Variants in GALNT2 observed in about 807,000 individuals in gnomAD.
GALNT2 encodes polypeptide N-acetylgalactosaminyltransferase 2.
A neutral mutation model predicts 81.4 loss-of-function variants in GALNT2; 31 were observed. The observed-to-expected ratio is 0.38, with a 90% CI of 0.29 to 0.51. The LOEUF is 0.51. Ranked by LOEUF, GALNT2 falls within the 20% of genes least tolerant of loss-of-function variation. The pLI is 0.87. For missense variants in GALNT2, 629 were observed against 765.7 expected (o/e 0.82, Z 2.11); for synonymous variants, 303 against 287.4 (o/e 1.05, Z -0.55).
chr1:230,219,633 A>G (rs1262294627), intron 3 of GALNT2, among the ~76,000 whole-genome samples: 1 of 152,056 alleles, frequency 6.6e-6, no homozygotes, highest in Non-Finnish European at 1.5e-5. Context: ...CCCTGCATAG[A>G]TGGCCTGCAG....
intron 1 of GALNT2, among the ~76,000 whole-genome samples, chr1:230,075,249 C>T (rs983417074): frequency 1.3e-5 from 2 of 151,392 alleles, no homozygotes; most frequent in East Asian, 3.9e-4. Context: ...CCTCAGCCTC[C>T]TGAGTGGCTA....
chr1:230,241,790 A>G (rs950009248), intron 6 of GALNT2, among the ~76,000 whole-genome samples: 11 of 152,160 alleles, frequency 7.2e-5, no homozygotes, highest in East Asian at 1.9e-4. Context: ...TACATAGTCT[A>G]TATTCCTATG....
At chr1:230,269,256 G>A (rs1666111372) in intron 14 of GALNT2, among the ~76,000 whole-genome samples, 1 of 148,276 alleles carries the variant, frequency 6.7e-6, no homozygotes, top group South Asian at 2.1e-4. Flanking sequence ...TGCAATCTCG[G>A]CTCACTGCCA....
chr1:230,179,954 C>G (rs953127353), intron 2 of GALNT2, among the ~76,000 whole-genome samples: 1 of 152,214 alleles, frequency 6.6e-6, no homozygotes, highest in African/African-American at 2.4e-5. Flanking sequence ...GAGTCTCACT[C>G]TGTTGCCCAA....
chr1:230,204,574 T>C (rs923831804), intron 3 of GALNT2, among the ~76,000 whole-genome samples: 2 of 152,204 alleles, frequency 1.3e-5, no homozygotes, highest in Non-Finnish European at 2.9e-5. Context: ...TCACCACTTA[T>C]CAGGAAAGTG....
rs1024002681 is a variant in GALNT2, at chr1:230,132,162, A to G, written c.127-46056A>G. Among the ~76,000 whole-genome samples, 7 of 152,248 alleles carry G rather than the reference A, an allele frequency of 4.6e-5. No individual in the cohort carries two copies. The East Asian group carries it at 1.3e-3, about 29-fold the overall frequency. On this transcript the variant is annotated intron_variant, in intron 1 of 15. Transcript: ENST00000366672. ...TGTTATTTCTACATTCATCCCTTCA[A>G]TCAGTCTCGTAATGACGGTCTCAAG...
In GALNT2 at chr1:230,274,451, G is replaced by A. The variant is rs140514370; in HGVS notation, c.1447G>A (p.Ala483Thr). ...TTCTGGTTTTGTGTTCCAGGAATGG[G>A]CCTTGACGAAGGAGAAGTCGGTGAA... ...CHNAGGNQEWALTKEKSVKHM... is the reference protein window; with the variant it reads ...CHNAGGNQEWTLTKEKSVKHM... Residue 483 changes from alanine (A) to threonine (T), a missense_variant, in exon 15 of 16, where the codon GCC becomes ACC. Ala to Thr is a moderately conservative substitution (Grantham distance 58). Around this residue, in one of 3 missense-constraint regions of GALNT2, gnomAD observed 207 missense variants for 225.5 expected, o/e 0.92. Coordinates refer to ENST00000366672, the MANE Select transcript of GALNT2 (RefSeq NM_004481.5). 3.1e-6 allele frequency: 5 copies of A among 1,613,308 alleles called. No homozygotes were observed. Among genetic ancestry groups the A allele is most frequent in the Middle Eastern group, 1.6e-4 (1 of 6,082 alleles).
chr1:230,095,564 G>T (rs1660230006), intron 1 of GALNT2, among the ~76,000 whole-genome samples: 1 of 127,312 alleles, frequency 7.9e-6, no homozygotes, highest in South Asian at 2.9e-4. Context: ...TTCCGAAGTG[G>T]AACGTCTTTC....
chr1:230,170,448 G>A (rs1227248592), intron 1 of GALNT2, among the ~76,000 whole-genome samples: 1 of 152,138 alleles, frequency 6.6e-6, no homozygotes, highest in African/African-American at 2.4e-5. Flanking sequence ...TTTTTATTAA[G>A]AAGCAAAAAC....
chr1:230,100,310 CTTTTTTTTTTTTT>C (rs573478928), intron 1 of GALNT2, among the ~76,000 whole-genome samples: 6 of 85,776 alleles, frequency 7.0e-5, no homozygotes, highest in African/African-American at 1.5e-4. Flanking sequence ...CTTTTTATTC[CTTTTTTTTTTTTT>C]TTTTTTTTTT....
intron 1 of GALNT2, among the ~76,000 whole-genome samples, chr1:230,122,108 G>T (rs1252307764): frequency 6.6e-6 from 1 of 152,004 alleles, no homozygotes; most frequent in Non-Finnish European, 1.5e-5. Flanking sequence ...GAGCGGTGCT[G>T]TACATTATGA....
intron 8 of GALNT2, among the ~76,000 whole-genome samples, chr1:230,247,219 T>C (rs901516165): frequency 3.9e-5 from 6 of 152,136 alleles, no homozygotes; most frequent in African/African-American, 1.4e-4. Context: ...CCCTGCTTAT[T>C]CATACACACA....
rs1394259331 is a variant in GALNT2 at position 230,157,976 on chromosome 1, T to TAATTA, written c.127-20241_127-20240insATTAA. ...AGTGAATTTTACTGTATGTAAATTA[T>TAATTA]ACTTTTAATTTAAAAGCAGAGAAAA... On this transcript the variant is annotated intron_variant, in intron 1 of 15. Transcript: ENST00000366672. Among the ~76,000 whole-genome samples the TAATTA allele has an allele frequency of 2.0e-5, 3 of 152,212 alleles. No homozygotes were observed. In the East Asian group the frequency reaches 5.8e-4, roughly 29 times the overall value.
intron 1 of GALNT2, among the ~76,000 whole-genome samples, chr1:230,135,637 G>C (rs561759416): frequency 6.6e-6 from 1 of 152,096 alleles, no homozygotes; most frequent in African/African-American, 2.4e-5. Flanking sequence ...TGGCAGGCTC[G>C]GCTCTGGATT....
chr1:230,191,370 C>T (rs1359808426), intron 2 of GALNT2, among the ~76,000 whole-genome samples: 1 of 152,168 alleles, frequency 6.6e-6, no homozygotes, highest in Non-Finnish European at 1.5e-5. Flanking sequence ...GATGTTTTTA[C>T]AGAAGGGCTT....
chr1:230,081,199 G>A lies in GALNT2; in HGVS notation c.126+13793G>A, dbSNP rs141635545. Among the ~76,000 whole-genome samples, 532 of 152,254 alleles carry A rather than the reference G, an allele frequency of 3.5e-3. 4 individuals are homozygous for A. The highest frequency in any genetic ancestry group is 0.024 in the Middle Eastern group (7 of 294). ...CAGCCCTTTGCTTCTTCCTTGGGTGGGGAATCTGAGCCCCAGACAGCATGA... is the reference window on the plus strand; with the variant it reads ...CAGCCCTTTGCTTCTTCCTTGGGTGAGGAATCTGAGCCCCAGACAGCATGA... On this transcript the variant is annotated intron_variant, in intron 1 of 15. Coordinates refer to ENST00000366672, the MANE Select transcript of GALNT2 (RefSeq NM_004481.5).
intron 1 of GALNT2, among the ~76,000 whole-genome samples, chr1:230,156,882 T>G (rs1368387825): frequency 6.6e-6 from 1 of 152,224 alleles, no homozygotes; most frequent in Non-Finnish European, 1.5e-5. Flanking sequence ...GTTTGGGAGA[T>G]AAGAAACATC....
chr1:230,124,715 T>C (rs909012067), intron 1 of GALNT2, among the ~76,000 whole-genome samples: 3 of 152,204 alleles, frequency 2.0e-5, no homozygotes, highest in African/African-American at 4.8e-5. Context: ...CACCTTCTTT[T>C]GGCCTGAGTC....
chr1:230,186,786 C>T lies in GALNT2; in HGVS notation c.220+8475C>T, dbSNP rs114299964. 2.1e-3 allele frequency among the ~76,000 whole-genome samples: 315 copies of T among 152,288 alleles called. 2 individuals are homozygous for T. Among genetic ancestry groups the T allele is most frequent in the Non-Finnish European group, 3.5e-3 (241 of 68,012 alleles). ...GAGATCAGAATGTACTGATTTGCCT[C>T]TCTTTTGAGTTATTAGTAGTAATTT... On this transcript the variant is annotated intron_variant, in intron 2 of 15. Transcript: ENST00000366672.
Sources: gnomAD v4.1 joint callset for allele counts (sites outside exome capture counted in the v4.1 genomes callset) on GRCh38, gnomAD v4.1.1 for gene constraint, gnomAD v4.1.1 regional missense constraint, MANE v1.5 for transcripts, NCBI Gene and HGNC (gene_info 2026-07-23, HGNC 2026-07-21) for gene names.